Variants in TSHZ2 observed in about 807,000 individuals in gnomAD.
TSHZ2 encodes teashirt homolog 2.
Under a neutral mutation model 74.4 loss-of-function variants are expected in TSHZ2, and 21 were observed. That is an observed-to-expected ratio of 0.28 (90% CI 0.20 to 0.41). The LOEUF (loss-of-function observed/expected upper bound fraction) is 0.41. Ranked by LOEUF, TSHZ2 falls within the 10% of genes least tolerant of loss-of-function variation. TSHZ2 has a pLI of 1.00. For missense variants in TSHZ2, 1,244 were observed against 1,293.5 expected (o/e 0.96, Z 0.59); for synonymous variants, 540 against 515.3 (o/e 1.05, Z -0.65).
intron 1 of TSHZ2, among the ~76,000 whole-genome samples, chr20:53,210,829 G>A (rs897628882): frequency 2.0e-5 from 3 of 152,032 alleles, no homozygotes; most frequent in African/African-American, 7.2e-5. Flanking sequence ...GTGCATATCC[G>A]TGTGTGTGTC....
chr20:53,177,944 C>T (rs1234668615), intron 1 of TSHZ2, among the ~76,000 whole-genome samples: 1 of 152,158 alleles, frequency 6.6e-6, no homozygotes, highest in Non-Finnish European at 1.5e-5. Flanking sequence ...TTGCACAGTG[C>T]CTGGTGCATT....
chr20:53,207,858 CTTT>C (rs58457116), intron 1 of TSHZ2, among the ~76,000 whole-genome samples: 7 of 96,668 alleles, frequency 7.2e-5, no homozygotes, highest in African/African-American at 2.5e-4. Context: ...CATTGTTTTA[CTTT>C]TTTTTTTTTT....
chr20:53,383,986 A>C (rs1434313544), intron 2 of TSHZ2, among the ~76,000 whole-genome samples: 2 of 151,952 alleles, frequency 1.3e-5, no homozygotes, highest in Non-Finnish European at 2.9e-5. Context: ...TTGTTCCCAA[A>C]CCCTCTTCCG....
chr20:53,463,435 G>GAAGAAAGA (rs11283137), intron 2 of TSHZ2, among the ~76,000 whole-genome samples: 1 of 114,254 alleles, frequency 8.8e-6, no homozygotes, highest in African/African-American at 3.6e-5. Flanking sequence ...AGGAAGGAAG[G>GAAGAAAGA]AGGGAGGGAG....
chr20:53,457,972 T>G (rs1985174887), intron 2 of TSHZ2, among the ~76,000 whole-genome samples: 1 of 150,874 alleles, frequency 6.6e-6, no homozygotes, highest in African/African-American at 2.4e-5. Flanking sequence ...AGTATTTTAT[T>G]GAGGATTTTT....
chr20:53,293,713 A>AG (rs1555847083), intron 2 of TSHZ2, among the ~76,000 whole-genome samples: 1 of 148,336 alleles, frequency 6.7e-6, no homozygotes, highest in Non-Finnish European at 1.5e-5. Context: ...AAAAAAAAAA[A>AG]AAAAAGAAAA....
At chr20:53,313,075 G>C (rs1978858077) in intron 2 of TSHZ2, among the ~76,000 whole-genome samples, 1 of 152,188 alleles carries the variant, frequency 6.6e-6, no homozygotes, top group Admixed American at 6.5e-5. Flanking sequence ...AAATTCCCGG[G>C]AAGGTTTCAG....
At chr20:53,009,355 A>T (rs1210775919) in intron 1 of TSHZ2, among the ~76,000 whole-genome samples, 1 of 151,982 alleles carries the variant, frequency 6.6e-6, no homozygotes, top group Non-Finnish European at 1.5e-5. Flanking sequence ...TTCACAACAA[A>T]ACAAAAAATA....
At chr20:53,099,014 G>C (rs1478505345) in intron 1 of TSHZ2, among the ~76,000 whole-genome samples, 1 of 152,108 alleles carries the variant, frequency 6.6e-6, no homozygotes, top group Non-Finnish European at 1.5e-5. Flanking sequence ...CTTTGCCTAG[G>C]TGCTTGGACC....
At chr20:53,310,721 C>G (rs1006787559) in intron 2 of TSHZ2, among the ~76,000 whole-genome samples, 4 of 152,186 alleles carry the variant, frequency 2.6e-5, no homozygotes, top group Non-Finnish European at 5.9e-5. Flanking sequence ...AGACCTCCAC[C>G]ATGTGGGATT....
intron 2 of TSHZ2, among the ~76,000 whole-genome samples, chr20:53,476,476 C>T (rs1985996723): frequency 6.6e-6 from 1 of 152,052 alleles, no homozygotes; most frequent in Non-Finnish European, 1.5e-5. Flanking sequence ...GTGCTAAAAA[C>T]TCTCAATAAA....
At chr20:53,289,664 A>G (rs373616548) in intron 2 of TSHZ2, among the ~76,000 whole-genome samples, 1 of 152,170 alleles carries the variant, frequency 6.6e-6, no homozygotes, top group South Asian at 2.1e-4. Flanking sequence ...TTTTAGAGAC[A>G]TGGTTTAGGG....
At chr20:53,051,804 C>T (rs1984477746) in intron 1 of TSHZ2, among the ~76,000 whole-genome samples, 1 of 152,074 alleles carries the variant, frequency 6.6e-6, no homozygotes, top group African/African-American at 2.4e-5. Flanking sequence ...AAAATGGGGT[C>T]CAGTTGCAGG....
intron 1 of TSHZ2, among the ~76,000 whole-genome samples, chr20:53,120,866 C>T (rs1986789134): frequency 6.6e-6 from 1 of 152,212 alleles, no homozygotes; most frequent in African/African-American, 2.4e-5. Flanking sequence ...TTCCTCTGCA[C>T]ATTTATCACT....
intron 2 of TSHZ2, among the ~76,000 whole-genome samples, chr20:53,350,764 T>G (rs1980617699): frequency 6.6e-6 from 1 of 152,250 alleles, no homozygotes; most frequent in Admixed American, 6.5e-5. Context: ...ACACTTTTTG[T>G]CTGTTTCACC....
intron 2 of TSHZ2, among the ~76,000 whole-genome samples, chr20:53,443,519 C>A (rs1984421206): frequency 6.6e-6 from 1 of 152,202 alleles, no homozygotes; most frequent in African/African-American, 2.4e-5. Context: ...ATTTAGAATC[C>A]TTTAACCCCG....
At chr20:53,231,882 C>T (rs773096773) in intron 1 of TSHZ2, among the ~76,000 whole-genome samples, 2 of 151,954 alleles carry the variant, frequency 1.3e-5, no homozygotes, top group African/African-American at 4.8e-5. Flanking sequence ...ACAGGCCATA[C>T]AAAACAATAT....
chr20:53,111,583 A>G (rs906553710), intron 1 of TSHZ2, among the ~76,000 whole-genome samples: 2 of 152,214 alleles, frequency 1.3e-5, no homozygotes, highest in Non-Finnish European at 2.9e-5. Flanking sequence ...TCGAGAGGAC[A>G]TCAAAGTGTA....
chr20:53,215,868 C>CA (rs78963941), intron 1 of TSHZ2, among the ~76,000 whole-genome samples: 3,855 of 83,678 alleles, frequency 0.046, 130 homozygotes, highest in African/African-American at 0.12. Context: ...AACTCCGTCT[C>CA]AAAAAAAAAA....
Sources: allele counts gnomAD v4.1 joint callset (sites outside exome capture counted in the v4.1 genomes callset), GRCh38; gene constraint gnomAD v4.1.1; transcripts MANE v1.5; gene names NCBI Gene and HGNC (gene_info 2026-07-23, HGNC 2026-07-21).